CELF4: variants seen among roughly 807,000 people sequenced by gnomAD.
The protein encoded by CELF4 is CUGBP Elav-like family member 4.
In CELF4, 18 loss-of-function variants were observed where a neutral mutation model predicts 59.9. The ratio of observed to expected loss-of-function variants is 0.30; its 90% CI spans 0.21 to 0.45. The LOEUF (loss-of-function observed/expected upper bound fraction) is 0.45. CELF4 is among the 20% of genes least tolerant of loss of function. The pLI is 1.00. For synonymous variants in CELF4, 261 were observed against 267.1 expected (o/e 0.98, Z 0.22); for missense variants, 456 against 689.0 (o/e 0.66, Z 3.79).
chr18:37,277,696 G>A (rs1013072959), intron 3 of CELF4, among the ~76,000 whole-genome samples: 4 of 152,178 alleles, frequency 2.6e-5, no homozygotes, highest in Admixed American at 1.3e-4. Context: ...GAAGTGAAAT[G>A]GGAGCTTTTC....
chr18:37,548,077 G>A (rs527726677), intron 1 of CELF4, among the ~76,000 whole-genome samples: 68 of 151,844 alleles, frequency 4.5e-4, no homozygotes, highest in African/African-American at 1.5e-3. Context: ...ATGTATGTGC[G>A]TATCTGTATG....
intron 1 of CELF4, among the ~76,000 whole-genome samples, chr18:37,500,956 C>T (rs1423126346): frequency 6.6e-6 from 1 of 152,214 alleles, no homozygotes; most frequent in Non-Finnish European, 1.5e-5. Context: ...TGCCTGGAAT[C>T]TGAGGCTGAG....
chr18:37,270,672 G>T lies in CELF4; in HGVS notation c.1099+96C>A, dbSNP rs1601519426. Reference sequence around the variant, plus strand: ...GGGGTTTCATCAAGGAATGGACAGAGGGCAGGAGCCACATCTTGTTATAAC... The same window carrying T: ...GGGGTTTCATCAAGGAATGGACAGATGGCAGGAGCCACATCTTGTTATAAC... On this transcript the variant is annotated intron_variant, in intron 8 of 12. Coordinates refer to ENST00000420428, the MANE Select transcript of CELF4 (RefSeq NM_020180.4). The T allele has an allele frequency of 3.5e-6, 5 of 1,437,896 alleles. No individual in the cohort carries two copies. In the East Asian group the frequency reaches 9.2e-5, roughly 26 times the overall value. 89.1% of individuals were successfully genotyped at this position (1,437,896 alleles called of 1,614,324 possible).
intron 11 of CELF4, among the ~76,000 whole-genome samples, chr18:37,256,111 G>A (rs1330649753): frequency 6.6e-6 from 1 of 152,214 alleles, no homozygotes; most frequent in African/African-American, 2.4e-5. Context: ...TGTCTCCCAA[G>A]TTCATGGTTC....
At chr18:37,379,880 C>T (rs1262885647) in intron 2 of CELF4, among the ~76,000 whole-genome samples, 1 of 152,174 alleles carries the variant, frequency 6.6e-6, no homozygotes, top group Non-Finnish European at 1.5e-5. Context: ...GTGGATTAAA[C>T]ATCTGATATT....
intron 2 of CELF4, among the ~76,000 whole-genome samples, chr18:37,468,913 G>C (rs536755218): frequency 1.3e-5 from 2 of 152,236 alleles, no homozygotes; most frequent in South Asian, 2.1e-4. Context: ...CTCTTGACAC[G>C]TGGGGATTAT....
At chr18:37,386,150 T>C (rs2099097002) in intron 2 of CELF4, among the ~76,000 whole-genome samples, 1 of 152,238 alleles carries the variant, frequency 6.6e-6, no homozygotes, top group Non-Finnish European at 1.5e-5. Context: ...TACTCTTATA[T>C]TCCAGGCACA....
chr18:37,297,482 G>T (rs1356244137), intron 3 of CELF4, among the ~76,000 whole-genome samples: 1 of 152,298 alleles, frequency 6.6e-6, no homozygotes, highest in East Asian at 1.9e-4. Flanking sequence ...CAGGAGGAAA[G>T]GTCCTCCTAG....
At chr18:37,247,952 G>T (rs1354429871) in intron 12 of CELF4, among the ~76,000 whole-genome samples, 1 of 152,206 alleles carries the variant, frequency 6.6e-6, no homozygotes, top group East Asian at 1.9e-4. Context: ...GCCAGCAGGG[G>T]ATGTCTGTCA....
At position 37,243,782 on chromosome 18, in the gene CELF4, GT is replaced by G; in HGVS notation, c.*1459del. ...TTGTGTGTGTGTGTGTTGTCTAGTT[GT>G]TTTAAGATGAAAGTTCCCAGTTCTC... On this transcript the variant is annotated 3_prime_UTR_variant, in exon 13 of 13. Coordinates refer to ENST00000420428, the MANE Select transcript of CELF4 (RefSeq NM_020180.4). 1 of 156,646 alleles carries G rather than the reference GT, an allele frequency of 6.4e-6. No homozygotes were observed. The highest frequency in any genetic ancestry group is 2.0e-4 in the South Asian group (1 of 4,994). 9.7% of individuals were successfully genotyped at this position (156,646 alleles called of 1,614,324 possible). A position where few individuals can be genotyped will look rare whatever the true frequency, so the allele number is the denominator to read the frequency against.
chr18:37,497,815 G>T (rs1262282918), intron 1 of CELF4, among the ~76,000 whole-genome samples: 2 of 152,132 alleles, frequency 1.3e-5, no homozygotes, highest in South Asian at 2.1e-4. Context: ...TGTATTTTGG[G>T]CATTGTTCTA....
chr18:37,378,930 C>A (rs377113906), intron 2 of CELF4, among the ~76,000 whole-genome samples: 1 of 152,218 alleles, frequency 6.6e-6, no homozygotes, highest in Non-Finnish European at 1.5e-5. Flanking sequence ...TATCAACCAG[C>A]CTTTTGTTCT....
intron 2 of CELF4, among the ~76,000 whole-genome samples, chr18:37,463,587 TC>T (rs1179567914): frequency 6.6e-6 from 1 of 152,156 alleles, no homozygotes. Flanking sequence ...GGCCAAAGGG[TC>T]CTGCCTGCCC....
intron 2 of CELF4, among the ~76,000 whole-genome samples, chr18:37,426,456 G>A (rs1843913782): frequency 6.6e-6 from 1 of 152,226 alleles, no homozygotes; most frequent in Admixed American, 6.5e-5. Context: ...GAGAGGCCCA[G>A]GGTCACACAG....
intron 2 of CELF4, among the ~76,000 whole-genome samples, chr18:37,416,120 T>C (rs1034650907): frequency 6.6e-6 from 1 of 152,070 alleles, no homozygotes; most frequent in Admixed American, 6.5e-5. Context: ...CCTGAAACCA[T>C]AGACACCAAA....
At chr18:37,302,827 A>T in intron 3 of CELF4, among the ~76,000 whole-genome samples, 1 of 152,158 alleles carries the variant, frequency 6.6e-6, no homozygotes, top group Non-Finnish European at 1.5e-5. Context: ...GGCTGGTTGC[A>T]ACAGCTCCCT....
At chr18:37,405,407 C>T (rs1342837799) in intron 2 of CELF4, among the ~76,000 whole-genome samples, 2 of 152,212 alleles carry the variant, frequency 1.3e-5, no homozygotes, top group Non-Finnish European at 2.9e-5. Context: ...GTAACCATCC[C>T]GCCACCTCTG....
intron 2 of CELF4, among the ~76,000 whole-genome samples, chr18:37,437,377 C>T (rs185376910): frequency 2.1e-4 from 32 of 152,266 alleles, no homozygotes; most frequent in South Asian, 4.1e-4. Flanking sequence ...CTCTGAGAGC[C>T]GGGAAGCCTT....
intron 5 of CELF4, 136 bp downstream of exon 5, chr18:37,274,669 G>A: frequency 2.0e-6 from 3 of 1,480,294 alleles, no homozygotes; most frequent in South Asian, 1.3e-5. Context: ...GGGCTTCCGC[G>A]TCCTTGTCTG....
Sources: gnomAD v4.1 joint callset for allele counts (sites outside exome capture counted in the v4.1 genomes callset) on GRCh38, gnomAD v4.1.1 for gene constraint, MANE v1.5 for transcripts, NCBI Gene and HGNC (gene_info 2026-07-23, HGNC 2026-07-21) for gene names.